Variants in KCNIP4 observed in about 807,000 individuals in gnomAD.
KCNIP4 encodes potassium voltage-gated channel interacting protein 4.
In KCNIP4, 12 loss-of-function variants were observed where a neutral mutation model predicts 34.0. That is an observed-to-expected ratio of 0.35 (90% confidence interval 0.23 to 0.57). The LOEUF is 0.57. KCNIP4 is among the 20% of genes least tolerant of loss of function. The pLI is 0.83. For synonymous variants in KCNIP4, 124 were observed against 102.2 expected (o/e 1.21, Z -1.29); for missense variants, 238 against 311.7 (o/e 0.76, Z 1.78).
At position 21,296,392 on chromosome 4, in the gene KCNIP4, GTCTC is replaced by G. The variant is rs575878736; in HGVS notation, c.62-413687_62-413684del. ...TTTTGGTTTAAGGCATTGAGCTGTG[GTCTC>G]TCTCTCTCTCTCTTTTTTTTTTTGA... On this transcript the variant is annotated intron_variant, in intron 1 of 8. Transcript: ENST00000382152. Among the ~76,000 whole-genome samples, 19 of 150,592 alleles carry G rather than the reference GTCTC, an allele frequency of 1.3e-4. No individual in the cohort carries two copies. In the South Asian group the frequency reaches 2.7e-3, roughly 22 times the overall value.
chr4:21,911,654 ACAG>A (rs1560177806), intron 1 of KCNIP4, among the ~76,000 whole-genome samples: 4 of 130,666 alleles, frequency 3.1e-5, no homozygotes, highest in Non-Finnish European at 6.7e-5. Context: ...ACACACACAC[ACAG>A]AGTCTGGTAT....
At chr4:20,896,842 C>A (rs1019038987) in intron 1 of KCNIP4, among the ~76,000 whole-genome samples, 5 of 152,104 alleles carry the variant, frequency 3.3e-5, no homozygotes, top group Admixed American at 1.3e-4. Flanking sequence ...ATATTCATCC[C>A]CTACTGTATA....
chr4:21,211,697 A>G (rs902676436), intron 1 of KCNIP4, among the ~76,000 whole-genome samples: 4 of 152,146 alleles, frequency 2.6e-5, no homozygotes, highest in African/African-American at 9.7e-5. Flanking sequence ...GCTGGGCACT[A>G]GCTATATGCT....
intron 1 of KCNIP4, among the ~76,000 whole-genome samples, chr4:20,977,769 T>G (rs769176379): frequency 3.9e-5 from 6 of 152,184 alleles, no homozygotes; most frequent in Non-Finnish European, 7.3e-5. Flanking sequence ...TAGTTTCTAG[T>G]CTCTACCTGT....
intron 1 of KCNIP4, among the ~76,000 whole-genome samples, chr4:21,807,008 T>C (rs1482215874): frequency 6.6e-6 from 1 of 152,000 alleles, no homozygotes; most frequent in African/African-American, 2.4e-5. Context: ...CCTGAGCTTG[T>C]TTTCCTGCAA....
chr4:21,296,408 C>CT (rs201961246), intron 1 of KCNIP4, among the ~76,000 whole-genome samples: 3,886 of 144,878 alleles, frequency 0.027, 141 homozygotes, highest in African/African-American at 0.088. Flanking sequence ...CTCTCTCTCT[C>CT]TTTTTTTTTT....
At chr4:21,779,314 A>T (rs1468028822) in intron 1 of KCNIP4, among the ~76,000 whole-genome samples, 5 of 152,110 alleles carry the variant, frequency 3.3e-5, no homozygotes, top group Non-Finnish European at 7.4e-5. Context: ...AAGCATAAAA[A>T]TACTAATAAG....
At chr4:20,812,931 G>T (rs528684497) in intron 3 of KCNIP4, among the ~76,000 whole-genome samples, 9 of 130,118 alleles carry the variant, frequency 6.9e-5, no homozygotes, top group African/African-American at 1.9e-4. Context: ...TTGTTTGTGT[G>T]TGAGTGTGTG....
At chr4:20,731,408 C>G (rs1432434031) in intron 8 of KCNIP4, 1 of 985,218 alleles carries the variant, frequency 1.0e-6, no homozygotes, top group African/African-American at 1.7e-5. Flanking sequence ...GCCCACACAT[C>G]AAGTCAAATA....
intron 1 of KCNIP4, among the ~76,000 whole-genome samples, chr4:21,430,243 G>A (rs765064624): frequency 8.6e-5 from 13 of 151,844 alleles, no homozygotes; most frequent in Non-Finnish European, 1.6e-4. Flanking sequence ...CTTGCATCAC[G>A]TTTTATACTT....
chr4:21,408,848 T>C (rs1724230252), intron 1 of KCNIP4, among the ~76,000 whole-genome samples: 1 of 152,168 alleles, frequency 6.6e-6, no homozygotes, highest in Non-Finnish European at 1.5e-5. Context: ...TATTTCTTTC[T>C]ACTATTTCAC....
chr4:21,428,431 T>A (rs979914883), intron 1 of KCNIP4, among the ~76,000 whole-genome samples: 2 of 152,168 alleles, frequency 1.3e-5, no homozygotes, highest in Non-Finnish European at 2.9e-5. Context: ...TCAACTGATA[T>A]TTTTTACATA....
chr4:21,351,856 G>T (rs965072172), intron 1 of KCNIP4, among the ~76,000 whole-genome samples: 1 of 152,162 alleles, frequency 6.6e-6, no homozygotes, highest in Non-Finnish European at 1.5e-5. Flanking sequence ...AGAACATGGA[G>T]AAAATTAATT....
At chr4:21,391,138 T>C (rs1722521622) in intron 1 of KCNIP4, among the ~76,000 whole-genome samples, 2 of 152,302 alleles carry the variant, frequency 1.3e-5, no homozygotes, top group South Asian at 4.1e-4. Flanking sequence ...TTGAAATCCT[T>C]TGCCCTTTTC....
intron 1 of KCNIP4, among the ~76,000 whole-genome samples, chr4:21,026,608 C>T (rs1215915432): frequency 2.0e-5 from 3 of 152,034 alleles, no homozygotes; most frequent in Non-Finnish European, 2.9e-5. Flanking sequence ...GAGCTGAGAT[C>T]GTGCCACTGC....
intron 1 of KCNIP4, among the ~76,000 whole-genome samples, chr4:21,757,527 G>C (rs2109161012): frequency 6.6e-6 from 1 of 152,210 alleles, no homozygotes; most frequent in Non-Finnish European, 1.5e-5. Flanking sequence ...GAAAATGCTG[G>C]TTAGGAAATA....
intron 1 of KCNIP4, among the ~76,000 whole-genome samples, chr4:20,917,048 T>A (rs1249399273): frequency 2.7e-5 from 3 of 109,536 alleles, no homozygotes; most frequent in Admixed American, 1.1e-4. Context: ...TATATATATA[T>A]ATAAAATTGA....
At chr4:20,804,405 T>C (rs1170917850) in intron 3 of KCNIP4, among the ~76,000 whole-genome samples, 6 of 152,002 alleles carry the variant, frequency 3.9e-5, no homozygotes, top group East Asian at 3.9e-4. Context: ...ACAGTAGACA[T>C]TGTGAACATT....
chr4:20,839,965 A>T lies in KCNIP4; in HGVS notation c.288+10578T>A, dbSNP rs530458233. ...CCTGCTTGCAAGGCTAGCCACTTGG[A>T]TGTTGGGAAAGTGTCTACCATTCTT... On this transcript the variant is annotated intron_variant, in intron 3 of 8. Coordinates refer to ENST00000382152, the MANE Select transcript of KCNIP4 (RefSeq NM_025221.6). Among the ~76,000 whole-genome samples the T allele has an allele frequency of 4.0e-4, 61 of 152,274 alleles. 1 individual carries two copies. Among genetic ancestry groups the T allele is most frequent in the African/African-American group, 1.5e-3 (61 of 41,566 alleles).
Sources: allele counts gnomAD v4.1 joint callset (sites outside exome capture counted in the v4.1 genomes callset), GRCh38; gene constraint gnomAD v4.1.1; transcripts MANE v1.5; gene names NCBI Gene and HGNC (gene_info 2026-07-23, HGNC 2026-07-21).